SCHIP1: variants seen among roughly 807,000 people sequenced by gnomAD.
SCHIP1 encodes the protein schwannomin interacting protein 1, also known as schwannomin-interacting protein 1.
SCHIP1 carries 8 observed loss-of-function variants against 29.7 expected under a neutral mutation model. The observed-to-expected ratio is 0.27, with a 90% CI of 0.16 to 0.49. The LOEUF (loss-of-function observed/expected upper bound fraction) is 0.49, where lower values mean the gene tolerates loss of function less well. Ranked by LOEUF, SCHIP1 falls within the 20% of genes least tolerant of loss-of-function variation. The pLI, the probability that SCHIP1 is intolerant of heterozygous loss-of-function variation, is 0.99. For missense variants in SCHIP1, 193 were observed against 294.6 expected (o/e 0.66, Z 2.52); for synonymous variants, 76 against 94.9 (o/e 0.80, Z 1.16).
chr3:159,492,232 C>T, the SCHIP1 span, among the ~76,000 whole-genome samples: 2,506 of 152,228 alleles, frequency 0.016, 76 homozygotes, highest in African/African-American at 0.058. Flanking sequence ...CTAGCAGCAA[C>T]GGAACAAAGC....
chr3:159,363,216 C>A, the SCHIP1 span, among the ~76,000 whole-genome samples: 30,623 of 152,100 alleles, frequency 0.2, 4,339 homozygotes, highest in African/African-American at 0.4. Context: ...AAAGTAGCAT[C>A]AAGTGATTCA....
At chr3:159,662,576 T>C in the SCHIP1 span, among the ~76,000 whole-genome samples, 3 of 152,224 alleles carry the variant, frequency 2.0e-5, no homozygotes, top group African/African-American at 4.8e-5. Context: ...TTTTGCTTAA[T>C]TGGCTGTCTT....
At chr3:159,357,453 A>T in the SCHIP1 span, among the ~76,000 whole-genome samples, 4 of 152,324 alleles carry the variant, frequency 2.6e-5, no homozygotes, top group East Asian at 7.7e-4. Flanking sequence ...CAGACTGGAA[A>T]ATCAGTGAAG....
the SCHIP1 span, among the ~76,000 whole-genome samples, chr3:159,568,169 G>A: frequency 6.6e-6 from 1 of 151,960 alleles, no homozygotes; most frequent in Non-Finnish European, 1.5e-5. Context: ...AGCTTGCTGA[G>A]CTCTTATTAA....
chr3:159,432,286 A>ATGTGTGTGTGTG, the SCHIP1 span, among the ~76,000 whole-genome samples: 1 of 108,094 alleles, frequency 9.3e-6, no homozygotes, highest in Non-Finnish European at 1.8e-5. Flanking sequence ...AGAGTAGGTG[A>ATGTGTGTGTGTG]TGTGTGTGTG....
the SCHIP1 span, among the ~76,000 whole-genome samples, chr3:159,586,816 A>C: frequency 6.6e-6 from 1 of 152,122 alleles, no homozygotes; most frequent in African/African-American, 2.4e-5. Flanking sequence ...ACAGATTCCA[A>C]GTGTTCCTTT....
At chr3:159,318,621 G>C in the SCHIP1 span, among the ~76,000 whole-genome samples, 1 of 152,278 alleles carries the variant, frequency 6.6e-6, no homozygotes, top group Non-Finnish European at 1.5e-5. Context: ...ATTGATAATA[G>C]GGAACTCCCC....
At chr3:159,475,048 A>C in the SCHIP1 span, among the ~76,000 whole-genome samples, 2 of 152,204 alleles carry the variant, frequency 1.3e-5, no homozygotes, top group Admixed American at 6.6e-5. Context: ...TCCTCAAAAA[A>C]TTAAACATAG....
chr3:159,833,654 T>C, the SCHIP1 span, among the ~76,000 whole-genome samples: 14 of 152,318 alleles, frequency 9.2e-5, no homozygotes, highest in African/African-American at 3.1e-4. Flanking sequence ...TCTAATTCAT[T>C]TTTACAGCTT....
the SCHIP1 span, among the ~76,000 whole-genome samples, chr3:159,730,768 G>A: frequency 1.4e-4 from 21 of 152,246 alleles, no homozygotes; most frequent in African/African-American, 4.8e-4. Context: ...AGGGAGAGGA[G>A]CTCCCCTTTC....
At chr3:159,482,666 TAAG>T in the SCHIP1 span, among the ~76,000 whole-genome samples, 2 of 152,162 alleles carry the variant, frequency 1.3e-5, no homozygotes, top group Non-Finnish European at 2.9e-5. Flanking sequence ...TACTAAGGAT[TAAG>T]GAGAGAGACA....
the SCHIP1 span, among the ~76,000 whole-genome samples, chr3:159,283,021 G>A: frequency 6.6e-6 from 1 of 151,972 alleles, no homozygotes; most frequent in Admixed American, 6.6e-5. Flanking sequence ...TATAAGAACT[G>A]ATACCTTTGC....
chr3:159,582,791 C>T, the SCHIP1 span, among the ~76,000 whole-genome samples: 2,255 of 140,772 alleles, frequency 0.016, 62 homozygotes, highest in African/African-American at 0.061. Flanking sequence ...TATATATACA[C>T]ACACACACAC....
intron 2 of SCHIP1, among the ~76,000 whole-genome samples, chr3:159,866,650 C>G (rs970106381): frequency 6.6e-6 from 1 of 150,820 alleles, no homozygotes; most frequent in African/African-American, 2.5e-5. Flanking sequence ...TCCCAGATCA[C>G]CCAGAATCAC....
the SCHIP1 span, among the ~76,000 whole-genome samples, chr3:159,524,525 T>C: frequency 1.3e-5 from 2 of 152,320 alleles, no homozygotes; most frequent in Non-Finnish European, 2.9e-5. Flanking sequence ...CATTCAAACC[T>C]ATCTCAGTAG....
the SCHIP1 span, among the ~76,000 whole-genome samples, chr3:159,670,359 A>G: frequency 9.7e-3 from 1,485 of 152,354 alleles, 19 homozygotes; most frequent in Middle Eastern, 0.037. Context: ...CCAACTAATC[A>G]CAAGTAAAAG....
the SCHIP1 span, among the ~76,000 whole-genome samples, chr3:159,442,371 C>T: frequency 2.4e-4 from 37 of 152,238 alleles, no homozygotes; most frequent in Non-Finnish European, 3.2e-4. Flanking sequence ...AGGATAGGAG[C>T]GCTCCAACCT....
chr3:159,789,248 T>C, the SCHIP1 span, among the ~76,000 whole-genome samples: 1 of 152,168 alleles, frequency 6.6e-6, no homozygotes, highest in Non-Finnish European at 1.5e-5. Context: ...ATCTTGAGTC[T>C]AAAGGCTGTC....
the SCHIP1 span, among the ~76,000 whole-genome samples, chr3:159,515,457 G>T: frequency 3.3e-5 from 5 of 152,092 alleles, no homozygotes; most frequent in Admixed American, 2.6e-4. Context: ...ATCTAGCTCA[G>T]TCACTTCATA....
Sources: gnomAD v4.1 joint callset for allele counts (sites outside exome capture counted in the v4.1 genomes callset) on GRCh38, gnomAD v4.1.1 for gene constraint, MANE v1.5 for transcripts, NCBI Gene and HGNC (gene_info 2026-07-23, HGNC 2026-07-21) for gene names.